PIWIL1: variants seen among roughly 807,000 people sequenced by gnomAD.
The protein encoded by PIWIL1 is piwi-like protein 1.
A neutral mutation model predicts 114.4 loss-of-function variants in PIWIL1; 73 were observed. The ratio of observed to expected loss-of-function variants is 0.64; its 90% CI spans 0.53 to 0.78. The LOEUF (loss-of-function observed/expected upper bound fraction) is 0.78. Among genes scored for constraint, PIWIL1 ranks in the 30% least tolerant of loss-of-function variants. The pLI is 0.00. For missense variants in PIWIL1, 723 were observed against 1,063.1 expected, an observed-to-expected ratio of 0.68 and a Z score of 4.45; for synonymous variants, 375 against 369.0, an observed-to-expected ratio of 1.02 and a Z score of -0.19.
chr12:130,407,731 C>T, the PIWIL1 span: 8 of 1,613,420 alleles, frequency 5.0e-6, no homozygotes, highest in Non-Finnish European at 6.8e-6. Flanking sequence ...GGTACCTCGA[C>T]ATCGACGTTG....
the PIWIL1 span, among the ~76,000 whole-genome samples, chr12:130,421,910 G>T: frequency 6.6e-6 from 1 of 152,234 alleles, no homozygotes; most frequent in Non-Finnish European, 1.5e-5. Flanking sequence ...GTCAGGAAGA[G>T]AATGGAAACG....
downstream of PIWIL1, among the ~76,000 whole-genome samples, chr12:130,375,097 C>G (rs1020162827): frequency 3.3e-5 from 5 of 152,178 alleles, no homozygotes; most frequent in Admixed American, 1.3e-4. Context: ...GCCGCTCCCC[C>G]TCCCTTTGCC....
downstream of PIWIL1, among the ~76,000 whole-genome samples, chr12:130,375,234 A>G (rs1187125812): frequency 3.9e-5 from 6 of 152,268 alleles, no homozygotes; most frequent in Admixed American, 1.3e-4. Flanking sequence ...CTTTTTGCCT[A>G]CTTGCCTGTT....
chr12:130,402,005 G>A, the PIWIL1 span, among the ~76,000 whole-genome samples: 1 of 152,238 alleles, frequency 6.6e-6, no homozygotes, highest in East Asian at 1.9e-4. Flanking sequence ...CTCTGGCTGA[G>A]TAGAATGTGG....
chr12:130,344,437 A>G (rs1279341012), intron 3 of PIWIL1, among the ~76,000 whole-genome samples: 1 of 152,240 alleles, frequency 6.6e-6, no homozygotes, highest in Non-Finnish European at 1.5e-5. Context: ...TGCCTTGTAA[A>G]GTGCTTTAGA....
the PIWIL1 span, among the ~76,000 whole-genome samples, chr12:130,381,319 G>A: frequency 6.6e-6 from 1 of 152,130 alleles, no homozygotes; most frequent in Non-Finnish European, 1.5e-5. Context: ...CCTGTGCTGT[G>A]CCTGTTCATT....
intron 19 of PIWIL1, among the ~76,000 whole-genome samples, chr12:130,370,299 CTT>C (rs2073784566): frequency 6.6e-6 from 1 of 151,178 alleles, no homozygotes; most frequent in Admixed American, 6.6e-5. Flanking sequence ...AGGCGGCTCT[CTT>C]TATCTGTAGG....
At chr12:130,412,311 C>T in the PIWIL1 span, among the ~76,000 whole-genome samples, 7 of 152,156 alleles carry the variant, frequency 4.6e-5, no homozygotes, top group Admixed American at 2.0e-4. Context: ...TACCAGAAAG[C>T]AGCTAATCAT....
chr12:130,362,241 A>G (rs993730204), intron 16 of PIWIL1, among the ~76,000 whole-genome samples: 3 of 152,142 alleles, frequency 2.0e-5, no homozygotes, highest in Admixed American at 1.3e-4. Flanking sequence ...TCCACCCCCA[A>G]GTAGGCCCTG....
Position 130,362,362 on chromosome 12 carries a change from C to T in PIWIL1, c.1971-404C>T, listed in dbSNP as rs142761324. 1.5e-3 allele frequency among the ~76,000 whole-genome samples: 234 copies of T among 152,288 alleles called. 2 individuals carry two copies. The highest frequency in any genetic ancestry group is 5.2e-3 in the African/African-American group (217 of 41,572). On this transcript the variant is annotated intron_variant, in intron 16 of 20. Transcript: ENST00000245255. The stretch of plus-strand genomic sequence containing the variant: ...TCCTGCATTAGTTTGCTAGAGGTAA[C>T]GGATGGAGCTGAAGGTCTTTCATCT...
chr12:130,348,938 A>G (rs1238265687), intron 7 of PIWIL1, among the ~76,000 whole-genome samples: 1 of 152,196 alleles, frequency 6.6e-6, no homozygotes, highest in African/African-American at 2.4e-5. Context: ...CAACAGGTTT[A>G]AGTTTATCAT....
chr12:130,357,021 G>T lies in PIWIL1; in HGVS notation c.1508G>T (p.Arg503Ile). ...AACTGGCTGTTGATCTATACGCGAA[G>T]AAATTATGAAGCAGCCAATTCATTG... ...LDNWLLIYTR[R>I]NYEAANSLIQ... The change falls in exon 13 of 21, where the codon AGA becomes ATA. Residue 503 changes from arginine to isoleucine, a missense_variant. By Grantham distance (97) the Arg-to-Ile change is moderately conservative. Around this residue, in one of 8 missense-constraint regions of PIWIL1, gnomAD observed 298 missense variants for 420.8 expected, o/e 0.71. Coordinates refer to ENST00000245255, the MANE Select transcript of PIWIL1 (RefSeq NM_004764.5). 1 of 1,613,828 alleles carries T rather than the reference G, an allele frequency of 6.2e-7. No homozygotes were observed. Among genetic ancestry groups the T allele is most frequent in the Non-Finnish European group, 8.5e-7 (1 of 1,179,884 alleles).
At chr12:130,393,232 G>T in the PIWIL1 span, among the ~76,000 whole-genome samples, 1,697 of 138,508 alleles carry the variant, frequency 0.012, 92 homozygotes, top group South Asian at 0.05. Context: ...GTGTCTGTCA[G>T]TTACCTGGTG....
intron 1 of PIWIL1, among the ~76,000 whole-genome samples, chr12:130,341,888 T>C (rs1053775936): frequency 1.3e-5 from 2 of 152,086 alleles, no homozygotes; most frequent in Admixed American, 6.6e-5. Flanking sequence ...GTTGAAGAAA[T>C]GGAGAGAACG....
At position 130,354,546 on chromosome 12, in the gene PIWIL1, C is replaced by T; in HGVS notation, c.1054C>T (p.Gln352Ter). 1 of 1,614,136 alleles carries T rather than the reference C, an allele frequency of 6.2e-7. No homozygotes were observed. The highest frequency in any genetic ancestry group is 8.5e-7 in the Non-Finnish European group (1 of 1,180,026). Residue 352 changes from glutamine to a stop codon, truncating the protein, a stop_gained, in exon 10 of 21, where the codon CAA (glutamine) becomes TAA (stop). Coordinates refer to ENST00000245255, the MANE Select transcript of PIWIL1 (RefSeq NM_004764.5). LOFTEE classifies it high-confidence loss of function. Reference sequence around the variant, plus strand: ...TTCGTCTCTTGAGCAGCAATACAACCAAGAGATCACCGACTTGAAGCAGCC... The same window carrying T: ...TTCGTCTCTTGAGCAGCAATACAACTAAGAGATCACCGACTTGAAGCAGCC... ...FLEYYRKQYN[Q>*]EITDLKQPVL...
intron 14 of PIWIL1, among the ~76,000 whole-genome samples, chr12:130,358,503 C>A (rs920317918): frequency 6.6e-6 from 1 of 151,954 alleles, no homozygotes; most frequent in Non-Finnish European, 1.5e-5. Flanking sequence ...AGTAGTGAAC[C>A]CTCACAGCAC....
downstream of PIWIL1, among the ~76,000 whole-genome samples, chr12:130,374,172 G>A (rs751444269): frequency 1.8e-4 from 27 of 152,108 alleles, no homozygotes; most frequent in Admixed American, 3.3e-4. Context: ...AATTTTACAC[G>A]CATTCCCTAA....
chr12:130,397,691 A>G, the PIWIL1 span: 3 of 394,442 alleles, frequency 7.6e-6, no homozygotes, highest in Admixed American at 1.3e-4. Flanking sequence ...GTATGCCATG[A>G]GAAGCAAAGG....
the PIWIL1 span, among the ~76,000 whole-genome samples, chr12:130,408,127 C>T: frequency 1.3e-5 from 2 of 152,212 alleles, no homozygotes; most frequent in Non-Finnish European, 2.9e-5. Context: ...ACGGGGCTCT[C>T]GAACAGCAAA....
Sources: gnomAD v4.1 joint callset for allele counts (sites outside exome capture counted in the v4.1 genomes callset) on GRCh38, gnomAD v4.1.1 for gene constraint, gnomAD v4.1.1 regional missense constraint, MANE v1.5 for transcripts, NCBI Gene and HGNC (gene_info 2026-07-23, HGNC 2026-07-21) for gene names.